The following TAFA1 variants were observed in gnomAD, a reference collection of about 807,000 sequenced individuals.
TAFA1 encodes the protein TAFA chemokine like family member 1, also known as chemokine-like protein TAFA-1.
TAFA1 carries 4 observed loss-of-function variants against 18.5 expected under a neutral mutation model. The ratio of observed to expected loss-of-function variants is 0.22; its 90% CI spans 0.11 to 0.49. The LOEUF (loss-of-function observed/expected upper bound fraction) is 0.49, where lower values mean the gene tolerates loss of function less well. Ranked by LOEUF, TAFA1 falls within the 20% of genes least tolerant of loss-of-function variation. The probability of loss-of-function intolerance (pLI) is 0.98; values close to 1 mark genes in which losing one functional copy is unlikely to be tolerated. For missense variants in TAFA1, 147 were observed against 169.0 expected (o/e 0.87, Z 0.72); for synonymous variants, 56 against 55.2 (o/e 1.01, Z -0.06).
chr3:68,302,896 G>A (rs2068331385), intron 2 of TAFA1, among the ~76,000 whole-genome samples: 1 of 152,124 alleles, frequency 6.6e-6, no homozygotes, highest in South Asian at 2.1e-4. Context: ...AAACACCTAA[G>A]TTCTATCCAA....
At chr3:68,142,835 C>T (rs527557908) in intron 2 of TAFA1, among the ~76,000 whole-genome samples, 3 of 152,230 alleles carry the variant, frequency 2.0e-5, no homozygotes, top group African/African-American at 7.2e-5. Flanking sequence ...GGTTGCCCTT[C>T]TGGAAAGCAA....
intron 2 of TAFA1, among the ~76,000 whole-genome samples, chr3:68,021,585 A>G (rs1453357190): frequency 6.6e-6 from 1 of 152,190 alleles, no homozygotes; most frequent in African/African-American, 2.4e-5. Context: ...TGTTTCATCT[A>G]TACTGCTGTA....
At chr3:68,378,932 T>A (rs1033827339) in intron 2 of TAFA1, among the ~76,000 whole-genome samples, 1 of 152,180 alleles carries the variant, frequency 6.6e-6, no homozygotes, top group African/African-American at 2.4e-5. Context: ...CTCCCAGCCA[T>A]GTGGAACTGT....
At chr3:68,196,327 C>T (rs1388492) in intron 2 of TAFA1, among the ~76,000 whole-genome samples, 100,335 of 151,556 alleles carry the variant, frequency 0.66, 33,967 homozygotes, top group South Asian at 0.78. Flanking sequence ...CATTTTCTAA[C>T]GGTCTCAGAT....
intron 3 of TAFA1, among the ~76,000 whole-genome samples, chr3:68,431,196 A>G (rs1377609258): frequency 6.6e-6 from 1 of 152,004 alleles, no homozygotes; most frequent in Non-Finnish European, 1.5e-5. Context: ...CAGGTGTTAT[A>G]AGTCTATTTT....
intron 2 of TAFA1, among the ~76,000 whole-genome samples, chr3:68,257,242 T>C (rs2067315957): frequency 6.6e-6 from 1 of 152,118 alleles, no homozygotes. Context: ...ATGGCACTCC[T>C]TTAAAGCCCA....
intron 2 of TAFA1, among the ~76,000 whole-genome samples, chr3:68,416,142 T>C (rs1442785027): frequency 6.6e-6 from 1 of 152,096 alleles, no homozygotes; most frequent in Non-Finnish European, 1.5e-5. Flanking sequence ...GGGAGCAACA[T>C]CACACCCCAC....
chr3:68,426,224 G>C (rs2071050466), intron 3 of TAFA1, among the ~76,000 whole-genome samples: 1 of 151,748 alleles, frequency 6.6e-6, no homozygotes, highest in African/African-American at 2.4e-5. Context: ...AAATGTATCT[G>C]TATAAACCTA....
At chr3:68,104,182 G>C (rs1279631919) in intron 2 of TAFA1, among the ~76,000 whole-genome samples, 2 of 152,068 alleles carry the variant, frequency 1.3e-5, no homozygotes, top group Non-Finnish European at 2.9e-5. Context: ...TTAAGAGGCA[G>C]AGGGGATTAA....
chr3:68,381,200 G>T (rs1156629375), intron 2 of TAFA1, among the ~76,000 whole-genome samples: 1 of 150,314 alleles, frequency 6.7e-6, no homozygotes, highest in East Asian at 2.0e-4. Flanking sequence ...AAGTCAGGTA[G>T]CATGATGCCT....
intron 2 of TAFA1, among the ~76,000 whole-genome samples, chr3:68,367,661 G>T (rs1204598157): frequency 6.6e-6 from 1 of 152,072 alleles, no homozygotes; most frequent in Non-Finnish European, 1.5e-5. Context: ...TCGCCTGAAA[G>T]ATTTTAAAAA....
chr3:68,283,089 T>C (rs986904795), intron 2 of TAFA1, among the ~76,000 whole-genome samples: 1 of 152,202 alleles, frequency 6.6e-6, no homozygotes, highest in African/African-American at 2.4e-5. Context: ...GAATCTACTA[T>C]ATTTTTAAAC....
chr3:68,114,603 G>C (rs1182345699), intron 2 of TAFA1, among the ~76,000 whole-genome samples: 1 of 152,122 alleles, frequency 6.6e-6, no homozygotes, highest in Non-Finnish European at 1.5e-5. Context: ...GAGCAACTTC[G>C]ATTTTACATG....
chr3:68,232,461 G>T (rs2066883302), intron 2 of TAFA1, among the ~76,000 whole-genome samples: 1 of 152,152 alleles, frequency 6.6e-6, no homozygotes, highest in Non-Finnish European at 1.5e-5. Flanking sequence ...ATCTATTGAT[G>T]AACACTTTGG....
chr3:68,172,492 T>C (rs2066068706), intron 2 of TAFA1, among the ~76,000 whole-genome samples: 1 of 152,114 alleles, frequency 6.6e-6, no homozygotes, highest in Non-Finnish European at 1.5e-5. Flanking sequence ...AGTTAAGTAG[T>C]TCCTCAAAAT....
intron 2 of TAFA1, among the ~76,000 whole-genome samples, chr3:68,313,347 T>G (rs1222002375): frequency 6.6e-6 from 1 of 152,208 alleles, no homozygotes; most frequent in Non-Finnish European, 1.5e-5. Flanking sequence ...ATGGGCTATT[T>G]TTTGTCGTCC....
chr3:68,281,526 G>A (rs1358718333), intron 2 of TAFA1, among the ~76,000 whole-genome samples: 1 of 144,250 alleles, frequency 6.9e-6, no homozygotes, highest in Admixed American at 7.2e-5. Context: ...CTGGAGTACA[G>A]TGGTGCGATC....
chr3:68,259,598 C>A (rs1281063108), intron 2 of TAFA1, among the ~76,000 whole-genome samples: 1 of 152,066 alleles, frequency 6.6e-6, no homozygotes, highest in East Asian at 1.9e-4. Flanking sequence ...TTCTTTGTAT[C>A]CTCTTTTATT....
chr3:68,042,721 G>A (rs1486370596), intron 2 of TAFA1, among the ~76,000 whole-genome samples: 1 of 152,096 alleles, frequency 6.6e-6, no homozygotes, highest in Non-Finnish European at 1.5e-5. Flanking sequence ...TAGTCTATGT[G>A]TTTATGCACT....
Sources: gnomAD v4.1 joint callset for allele counts (sites outside exome capture counted in the v4.1 genomes callset) on GRCh38, gnomAD v4.1.1 for gene constraint, MANE v1.5 for transcripts, NCBI Gene and HGNC (gene_info 2026-07-23, HGNC 2026-07-21) for gene names.